CRTAC1: variants seen among roughly 807,000 people sequenced by gnomAD.
CRTAC1 encodes cartilage acidic protein 1, also known as acidic secreted protein in cartilage.
CRTAC1 carries 37 observed loss-of-function variants against 67.8 expected under a neutral mutation model. The ratio of observed to expected loss-of-function variants is 0.55; its 90% CI spans 0.42 to 0.72. The LOEUF (loss-of-function observed/expected upper bound fraction) is 0.72. Ranked by LOEUF, CRTAC1 falls within the 30% of genes least tolerant of loss-of-function variation. The probability of loss-of-function intolerance (pLI) is 0.00; values close to 1 mark genes in which losing one functional copy is unlikely to be tolerated. For missense variants in CRTAC1, 780 were observed against 931.6 expected (o/e 0.84, Z 2.12); for synonymous variants, 348 against 371.0 (o/e 0.94, Z 0.71).
At chr10:97,932,846 A>C (rs558187158) in intron 3 of CRTAC1, among the ~76,000 whole-genome samples, 4 of 152,332 alleles carry the variant, frequency 2.6e-5, no homozygotes, top group African/African-American at 9.6e-5. Flanking sequence ...GTTGAGGCTG[A>C]GAGAGGTCAA....
intron 11 of CRTAC1, among the ~76,000 whole-genome samples, chr10:97,892,307 C>T (rs1457454120): frequency 2.6e-5 from 4 of 152,202 alleles, no homozygotes. Flanking sequence ...GAATCTCAGC[C>T]CCCATTCTGC....
chr10:97,921,496 T>A (rs1478811224), intron 4 of CRTAC1, among the ~76,000 whole-genome samples: 1 of 152,188 alleles, frequency 6.6e-6, no homozygotes, highest in East Asian at 1.9e-4. Context: ...AGTTTCCATA[T>A]CTGTCAAATC....
chr10:97,876,605 T>C (rs1276400701), intron 14 of CRTAC1, among the ~76,000 whole-genome samples: 2 of 152,030 alleles, frequency 1.3e-5, no homozygotes, highest in Admixed American at 6.6e-5. Flanking sequence ...CCCTTCCGGG[T>C]CCATTTCATT....
intron 13 of CRTAC1, 70 bp from the exon 14 acceptor site, chr10:97,880,462 C>T: frequency 1.3e-6 from 2 of 1,574,076 alleles, no homozygotes; most frequent in Middle Eastern, 1.7e-4. Context: ...CTCTGCCTGC[C>T]TATACACTGT....
intron 2 of CRTAC1, among the ~76,000 whole-genome samples, chr10:97,987,546 T>C (rs930854168): frequency 6.6e-6 from 1 of 152,256 alleles, no homozygotes. Context: ...GAAAGGGGTC[T>C]GTGCTGGAGA....
intron 3 of CRTAC1, among the ~76,000 whole-genome samples, chr10:97,928,576 C>A (rs74406337): frequency 0.02 from 3,025 of 152,310 alleles, 94 homozygotes; most frequent in African/African-American, 0.065. Context: ...AAGAAGGGGA[C>A]TTGCCTAAGA....
intron 2 of CRTAC1, among the ~76,000 whole-genome samples, chr10:97,963,246 G>A (rs1303117309): frequency 6.6e-6 from 1 of 152,092 alleles, no homozygotes; most frequent in East Asian, 1.9e-4. Context: ...TTGTTTTGAT[G>A]TCCTCTTCTT....
chr10:97,998,421 G>A (rs972701555), intron 2 of CRTAC1, among the ~76,000 whole-genome samples: 3 of 152,150 alleles, frequency 2.0e-5, no homozygotes, highest in Non-Finnish European at 4.4e-5. Flanking sequence ...AACGATGAAA[G>A]AGAGAGACAA....
At chr10:98,027,951 G>A (rs1489877083) in intron 1 of CRTAC1, among the ~76,000 whole-genome samples, 1 of 152,166 alleles carries the variant, frequency 6.6e-6, no homozygotes, top group Non-Finnish European at 1.5e-5. Context: ...GCTTTATCCA[G>A]CTTCAGTTTT....
chr10:97,923,132 G>A (rs1406009439), intron 4 of CRTAC1, 132 bp downstream of exon 4: 18 of 945,826 alleles, frequency 1.9e-5, no homozygotes, highest in Non-Finnish European at 2.9e-5. Context: ...AGTCTTAGTT[G>A]TTGGTATTTA....
chr10:97,865,611 G>T lies in CRTAC1; in HGVS notation c.1923C>A (p.Val641=). Residue 641 remains valine (V), a synonymous_variant, in exon 15 of 15, where the codon GTC becomes GTA. Coordinates refer to ENST00000370597, the MANE Select transcript of CRTAC1 (RefSeq NM_018058.7). ...CCAGATTGAGATCTCCATCTACGAG[G>T]ACCGGTGCAGCAGTGGCAGCTCCAG... The part of the protein sequence containing the change: ...AAAGAATAAP[V]LVDGDLNLGS... 2 of 1,613,660 alleles carry T rather than the reference G, an allele frequency of 1.2e-6. No homozygotes were observed. Among genetic ancestry groups the T allele is most frequent in the Middle Eastern group, 1.7e-4 (1 of 6,056 alleles).
intron 2 of CRTAC1, among the ~76,000 whole-genome samples, chr10:97,984,696 C>T (rs1231933890): frequency 2.0e-5 from 3 of 152,188 alleles, no homozygotes; most frequent in Non-Finnish European, 4.4e-5. Context: ...GAACCAGGTA[C>T]ATGACCTTCC....
rs1440847206 is a variant in CRTAC1, at chr10:98,030,564, C to T, written c.-92G>A. 1.2e-5 allele frequency: 11 copies of T among 940,052 alleles called. No individual in the cohort carries two copies. The highest frequency in any genetic ancestry group is 1.5e-5 in the Non-Finnish European group (11 of 717,478). 58.2% of individuals were successfully genotyped at this position (940,052 alleles called of 1,614,324 possible). ...GGCGCCGCCGCCTGCTTGCTCCCAGCCCCGGTCCCGGGCTGGCCTCGAGCC... is the reference window on the plus strand; with the variant it reads ...GGCGCCGCCGCCTGCTTGCTCCCAGTCCCGGTCCCGGGCTGGCCTCGAGCC... On this transcript the variant is annotated 5_prime_UTR_variant, in exon 1 of 15. Coordinates refer to ENST00000370597, the MANE Select transcript of CRTAC1 (RefSeq NM_018058.7). This position sits in a 1 kb window ranked among gnomAD's most constrained non-coding sequence, Gnocchi z 4.2.
chr10:97,880,233 C>A lies in CRTAC1; in HGVS notation c.1819+16G>T, dbSNP rs1379298328. The A allele has an allele frequency of 6.2e-7, 1 of 1,613,050 alleles. No homozygotes were observed. Among genetic ancestry groups the A allele is most frequent in the Non-Finnish European group, 8.5e-7 (1 of 1,179,222 alleles). On this transcript the variant is annotated intron_variant, in intron 14 of 14. Transcript: ENST00000370597. The stretch of plus-strand genomic sequence containing the variant: ...ACATCCTTTTGCTACTGGCCTATGG[C>A]TGGGGCCCCACTCACCCACGCAGGC...
rs76901981 is a variant in CRTAC1 at position 97,935,298 on chromosome 10, T to C, written c.421+872A>G. 3.7e-3 allele frequency among the ~76,000 whole-genome samples: 558 copies of C among 152,306 alleles called. 4 individuals are homozygous for C. The highest frequency in any genetic ancestry group is 0.012 in the African/African-American group (490 of 41,562). ...GCCTAAATGAGATAATTAATGTAAA[T>C]GTTTAGATCAGGGTCTGACACGCAA... is the stretch of plus-strand genomic sequence containing the variant. On this transcript the variant is annotated intron_variant, in intron 3 of 14. Transcript: ENST00000370597.
At chr10:97,922,477 C>G (rs898791372) in intron 4 of CRTAC1, among the ~76,000 whole-genome samples, 5 of 152,166 alleles carry the variant, frequency 3.3e-5, no homozygotes, top group Admixed American at 2.6e-4. Flanking sequence ...GCAGCTGGGC[C>G]CCTGATTTAG....
chr10:98,006,067 AT>A (rs1842783507), intron 2 of CRTAC1, among the ~76,000 whole-genome samples: 1 of 152,194 alleles, frequency 6.6e-6, no homozygotes, highest in Non-Finnish European at 1.5e-5. Context: ...CAGTCTTTCC[AT>A]TTGAGCAAAC....
intron 2 of CRTAC1, among the ~76,000 whole-genome samples, chr10:97,952,351 C>CAAAA (rs1049665428): frequency 1.4e-4 from 19 of 139,664 alleles, no homozygotes; most frequent in African/African-American, 3.7e-4. Flanking sequence ...GACTCCATCT[C>CAAAA]AAAAAAAAAT....
intron 2 of CRTAC1, among the ~76,000 whole-genome samples, chr10:97,993,027 G>C (rs1474571690): frequency 6.6e-6 from 1 of 152,060 alleles, no homozygotes; most frequent in East Asian, 1.9e-4. Flanking sequence ...AACATGATTT[G>C]TACAATAAAT....
Sources: gnomAD v4.1 joint callset for allele counts (sites outside exome capture counted in the v4.1 genomes callset) on GRCh38, gnomAD v4.1.1 for gene constraint, Gnocchi (gnomAD v3.1) non-coding constraint, MANE v1.5 for transcripts, NCBI Gene and HGNC (gene_info 2026-07-23, HGNC 2026-07-21) for gene names.